Variants in HLCS observed in about 807,000 individuals in gnomAD.
HLCS encodes the protein holocarboxylase synthetase.
HLCS carries 53 observed loss-of-function variants against 75.0 expected under a neutral mutation model. That is an observed-to-expected ratio of 0.71 (90% CI 0.57 to 0.89). The LOEUF (loss-of-function observed/expected upper bound fraction) is 0.89, where lower values mean the gene tolerates loss of function less well. Among genes scored for constraint, HLCS ranks in the 40% least tolerant of loss-of-function variants. The pLI is 0.00. For synonymous variants in HLCS, 431 were observed against 428.6 expected (o/e 1.01, Z -0.07); for missense variants, 966 against 1,074.0 (o/e 0.90, Z 1.41).
chr21:36,941,588 G>A (rs780247822), intron 2 of HLCS, among the ~76,000 whole-genome samples: 6 of 152,206 alleles, frequency 3.9e-5, no homozygotes, highest in Non-Finnish European at 8.8e-5. Flanking sequence ...GTAAAAGAAT[G>A]AACATAGGCT....
intron 2 of HLCS, among the ~76,000 whole-genome samples, chr21:36,952,022 A>G (rs1601855402): frequency 6.6e-6 from 1 of 152,232 alleles, no homozygotes; most frequent in African/African-American, 2.4e-5. Context: ...CATTTGAAAT[A>G]TCCAAAATTC....
intron 1 of HLCS, among the ~76,000 whole-genome samples, chr21:36,982,365 T>G (rs1027644266): frequency 3.3e-5 from 5 of 152,178 alleles, no homozygotes; most frequent in African/African-American, 1.2e-4. Flanking sequence ...GTGGACCCAT[T>G]ACTACACCAG....
intron 2 of HLCS, among the ~76,000 whole-genome samples, chr21:36,941,875 C>T (rs1044912379): frequency 2.0e-5 from 3 of 152,166 alleles, no homozygotes; most frequent in African/African-American, 4.8e-5. Context: ...GGCGTGCTGG[C>T]GGGTGCCTGT....
chr21:36,834,992 C>T (rs897644537), intron 6 of HLCS, among the ~76,000 whole-genome samples: 21 of 152,290 alleles, frequency 1.4e-4, no homozygotes, highest in African/African-American at 4.8e-4. Flanking sequence ...CACTCTGACA[C>T]CTGTTAGAAG....
intron 6 of HLCS, among the ~76,000 whole-genome samples, chr21:36,768,958 G>A (rs972635667): frequency 6.6e-6 from 1 of 152,050 alleles, no homozygotes; most frequent in African/African-American, 2.4e-5. Context: ...TCGAGGTGAT[G>A]GGGCAGGGGC....
chr21:36,973,026 G>A (rs919435745), intron 1 of HLCS, among the ~76,000 whole-genome samples: 7 of 151,576 alleles, frequency 4.6e-5, no homozygotes, highest in Non-Finnish European at 1.5e-5. Context: ...GACCAGCGTG[G>A]GCAACACAGG....
At chr21:36,788,859 G>A (rs1276679550) in intron 6 of HLCS, among the ~76,000 whole-genome samples, 1 of 152,132 alleles carries the variant, frequency 6.6e-6, no homozygotes, top group Non-Finnish European at 1.5e-5. Context: ...TTTTTGTGGG[G>A]CACTTTTTTG....
chr21:36,787,136 C>A (rs2060711326), intron 6 of HLCS, among the ~76,000 whole-genome samples: 1 of 152,210 alleles, frequency 6.6e-6, no homozygotes, highest in East Asian at 1.9e-4. Context: ...GCATGGACTT[C>A]CTAGGTTTTC....
At chr21:36,967,187 T>TCCCA (rs889206030), upstream of HLCS, among the ~76,000 whole-genome samples, 5 of 151,616 alleles carry the variant, frequency 3.3e-5, no homozygotes, top group Admixed American at 1.3e-4. Flanking sequence ...ACACCGGGAG[T>TCCCA]CCCAGAGCGC....
chr21:36,793,919 G>A (rs974844787), intron 6 of HLCS, among the ~76,000 whole-genome samples: 5 of 152,178 alleles, frequency 3.3e-5, no homozygotes, highest in African/African-American at 4.8e-5. Flanking sequence ...TCAGTCATAG[G>A]GTTGTCAGGA....
At position 36,786,513 on chromosome 21, in the gene HLCS, G is replaced by A. The variant is rs911155422; in HGVS notation, c.1893-19228C>T. 2.6e-5 allele frequency among the ~76,000 whole-genome samples: 4 copies of A among 152,176 alleles called. No homozygotes were observed. The East Asian group carries it at 5.8e-4, about 22-fold the overall frequency. ...TACCATCAAAATCCTGGGCTTTAAT[G>A]AGTAAGGGAATATCAGAGGAAGGGG... On this transcript the variant is annotated intron_variant, in intron 6 of 10. Transcript: ENST00000674895.
At chr21:36,777,089 C>T (rs9981318) in intron 6 of HLCS, among the ~76,000 whole-genome samples, 98,969 of 152,038 alleles carry the variant, frequency 0.65, 34,085 homozygotes, top group African/African-American at 0.89. Context: ...TGGTATAGGA[C>T]TATTAACCAC....
rs537310783 is a variant in HLCS at position 36,858,100 on chromosome 21, A to AT, written c.1892+38759dup. 6.8e-3 allele frequency among the ~76,000 whole-genome samples: 1,035 copies of AT among 152,138 alleles called. 12 individuals carry two copies. The highest frequency in any genetic ancestry group is 0.024 in the African/African-American group (995 of 41,500). On this transcript the variant is annotated intron_variant, in intron 6 of 10. Transcript: ENST00000674895. Reference sequence around the variant, plus strand: ...ACTGCGCCTGGCCAGGATCTTGTTTATTTTTTATTATATTTTAAACATTTT... The same window carrying AT: ...ACTGCGCCTGGCCAGGATCTTGTTTATTTTTTTATTATATTTTAAACATTTT...
chr21:36,901,331 T>A (rs540430083), intron 5 of HLCS, among the ~76,000 whole-genome samples: 2 of 151,600 alleles, frequency 1.3e-5, no homozygotes, highest in South Asian at 4.2e-4. Context: ...AGGGGAGAGG[T>A]CTGCACCATG....
intron 6 of HLCS, among the ~76,000 whole-genome samples, chr21:36,855,675 C>T (rs1315139502): frequency 6.6e-6 from 1 of 152,064 alleles, no homozygotes; most frequent in Admixed American, 6.5e-5. Context: ...CTCCCAGGCT[C>T]AGGCGATACT....
rs2061852675 is a variant in HLCS, at chr21:36,821,877, G to A, written c.1893-54592C>T. On this transcript the variant is annotated intron_variant, in intron 6 of 10. Coordinates refer to ENST00000674895, the MANE Select transcript of HLCS (RefSeq NM_001352514.2). ...AGACTTGTGGCTAAAATGGAGAAAGGGAAGGGAGGGAAGGAAAGAGAAGAA... is the reference window on the plus strand; with the variant it reads ...AGACTTGTGGCTAAAATGGAGAAAGAGAAGGGAGGGAAGGAAAGAGAAGAA... 2.0e-5 allele frequency among the ~76,000 whole-genome samples: 3 copies of A among 152,034 alleles called. No homozygotes were observed. The South Asian group carries it at 6.2e-4, about 32-fold the overall frequency.
intron 4 of HLCS, among the ~76,000 whole-genome samples, chr21:36,932,780 C>A (rs1426737742): frequency 6.6e-6 from 1 of 152,194 alleles, no homozygotes; most frequent in Non-Finnish European, 1.5e-5. Context: ...TAGAATCTCT[C>A]AATTCCTACC....
chr21:36,938,699 G>T (rs2067003977), intron 3 of HLCS, 133 bp downstream of exon 3: 1 of 859,522 alleles, frequency 1.2e-6, no homozygotes, highest in Non-Finnish European at 1.9e-6. Context: ...GGAGATAGGG[G>T]TCTATGCTGC....
At chr21:36,808,092 T>C (rs565800430) in intron 6 of HLCS, among the ~76,000 whole-genome samples, 1 of 152,164 alleles carries the variant, frequency 6.6e-6, no homozygotes, top group East Asian at 1.9e-4. Context: ...AAGTCACTCA[T>C]GACTTTACCA....
Sources: allele counts gnomAD v4.1 joint callset (sites outside exome capture counted in the v4.1 genomes callset), GRCh38; gene constraint gnomAD v4.1.1; transcripts MANE v1.5; gene names NCBI Gene and HGNC (gene_info 2026-07-23, HGNC 2026-07-21).